The following ETV6 variants were observed in gnomAD, a reference collection of about 807,000 sequenced individuals.
ETV6 encodes the protein ETS variant transcription factor 6.
ETV6 carries 16 observed loss-of-function variants against 51.1 expected under a neutral mutation model. That is an observed-to-expected ratio of 0.31 (90% CI 0.21 to 0.48). The LOEUF (loss-of-function observed/expected upper bound fraction) is 0.48, where lower values mean the gene tolerates loss of function less well. Among genes scored for constraint, ETV6 ranks in the 20% least tolerant of loss-of-function variants. The pLI, the probability that ETV6 is intolerant of heterozygous loss-of-function variation, is 0.99. For missense variants in ETV6, 458 were observed against 594.8 expected, an observed-to-expected ratio of 0.77 and a Z score of 2.39; for synonymous variants, 240 against 224.1, an observed-to-expected ratio of 1.07 and a Z score of -0.64.
chr12:11,738,848 A>G (rs1292974387), intron 1 of ETV6, among the ~76,000 whole-genome samples: 1 of 152,220 alleles, frequency 6.6e-6, no homozygotes, highest in Non-Finnish European at 1.5e-5. Context: ...TGGTAGAAAC[A>G]AGTCATATCC....
At chr12:11,863,837 A>G (rs1300598518) in intron 4 of ETV6, among the ~76,000 whole-genome samples, 1 of 152,154 alleles carries the variant, frequency 6.6e-6, no homozygotes, top group Non-Finnish European at 1.5e-5. Context: ...TACTCCATAC[A>G]TGGGCACTGC....
chr12:11,834,861 A>G (rs1432411445), intron 2 of ETV6, among the ~76,000 whole-genome samples: 2 of 152,214 alleles, frequency 1.3e-5, no homozygotes, highest in Non-Finnish European at 2.9e-5. Flanking sequence ...TAGAGATCAC[A>G]TACTCTAAGC....
chr12:11,757,755 CA>C (rs1201511155), intron 2 of ETV6, among the ~76,000 whole-genome samples: 24 of 152,202 alleles, frequency 1.6e-4, no homozygotes, highest in Admixed American at 1.4e-3. Flanking sequence ...TGGGCAGCCA[CA>C]GGTGCAGGGA....
intron 2 of ETV6, among the ~76,000 whole-genome samples, chr12:11,812,556 T>C (rs779126553): frequency 1.3e-5 from 2 of 152,110 alleles, no homozygotes; most frequent in Non-Finnish European, 2.9e-5. Context: ...ACCTTGTCCT[T>C]GGGTGGATTT....
intron 1 of ETV6, among the ~76,000 whole-genome samples, chr12:11,709,857 C>T (rs1035773360): frequency 6.6e-6 from 1 of 152,194 alleles, no homozygotes; most frequent in Non-Finnish European, 1.5e-5. Flanking sequence ...GCACATCTTG[C>T]AGATTTTGGG....
intron 1 of ETV6, among the ~76,000 whole-genome samples, chr12:11,651,847 A>C (rs553014134): frequency 6.6e-6 from 1 of 152,324 alleles, no homozygotes; most frequent in East Asian, 1.9e-4. Context: ...AAAAACAACA[A>C]AAAACAATGC....
intron 1 of ETV6, among the ~76,000 whole-genome samples, chr12:11,742,863 G>A (rs192977518): frequency 7.0e-6 from 1 of 143,062 alleles, no homozygotes; most frequent in Non-Finnish European, 1.5e-5. Flanking sequence ...CTGGAGTGCA[G>A]TAGCACAATC....
chr12:11,764,718 T>C (rs12303587), intron 2 of ETV6, among the ~76,000 whole-genome samples: 3,524 of 152,292 alleles, frequency 0.023, 135 homozygotes, highest in African/African-American at 0.076. Context: ...CCTATGTGTG[T>C]GTGACAGGGA....
chr12:11,691,002 G>C (rs946082023), intron 1 of ETV6, among the ~76,000 whole-genome samples: 1 of 152,114 alleles, frequency 6.6e-6, no homozygotes, highest in Non-Finnish European at 1.5e-5. Flanking sequence ...ATAAACAACA[G>C]AATTTGATTC....
chr12:11,862,225 C>A (rs1025865698), intron 4 of ETV6, among the ~76,000 whole-genome samples: 2 of 152,146 alleles, frequency 1.3e-5, no homozygotes, highest in Non-Finnish European at 2.9e-5. Flanking sequence ...GTGAATCATC[C>A]ACTCCAAACT....
intron 2 of ETV6, among the ~76,000 whole-genome samples, chr12:11,810,342 A>T (rs1318053711): frequency 6.6e-6 from 1 of 152,212 alleles, no homozygotes; most frequent in Non-Finnish European, 1.5e-5. Flanking sequence ...ACCCGTGAAG[A>T]AAAGCACTTC....
At chr12:11,872,494 CTTTTTTTTTTTT>C (rs10528272) in intron 5 of ETV6, among the ~76,000 whole-genome samples, 1 of 142,736 alleles carries the variant, frequency 7.0e-6, no homozygotes, top group African/African-American at 2.6e-5. Context: ...AATTATATTA[CTTTTTTTTTTTT>C]TTTTTTTTTG....
intron 1 of ETV6, among the ~76,000 whole-genome samples, chr12:11,695,893 A>T (rs1423920772): frequency 6.6e-6 from 1 of 152,192 alleles, no homozygotes; most frequent in East Asian, 1.9e-4. Context: ...CACCAGTGAC[A>T]TCTTTCTTCT....
chr12:11,676,973 G>T (rs1441647856), intron 1 of ETV6, among the ~76,000 whole-genome samples: 1 of 152,224 alleles, frequency 6.6e-6, no homozygotes, highest in Non-Finnish European at 1.5e-5. Flanking sequence ...ATCGCCTGTT[G>T]TTAGACGTTT....
chr12:11,798,816 C>G (rs1337728838), intron 2 of ETV6, among the ~76,000 whole-genome samples: 1 of 152,152 alleles, frequency 6.6e-6, no homozygotes, highest in African/African-American at 2.4e-5. Context: ...CATTTCAGAT[C>G]TCTTGAGTCC....
chr12:11,717,859 C>A (rs937400531), intron 1 of ETV6, among the ~76,000 whole-genome samples: 17 of 152,304 alleles, frequency 1.1e-4, no homozygotes, highest in African/African-American at 4.1e-4. Context: ...ATCTGACCTC[C>A]AACTACTCGC....
chr12:11,844,133 G>A (rs1167373463), intron 3 of ETV6, among the ~76,000 whole-genome samples: 1 of 151,984 alleles, frequency 6.6e-6, no homozygotes, highest in African/African-American at 2.4e-5. Context: ...CAGACAGGTT[G>A]GCATTTATAT....
chr12:11,840,466 G>A (rs1054042486), intron 3 of ETV6: 1 of 456,052 alleles, frequency 2.2e-6, no homozygotes, highest in East Asian at 7.0e-5. Flanking sequence ...TGCAGACCTC[G>A]ACTCTGATGT....
chr12:11,714,121 C>T (rs1865226176), intron 1 of ETV6, among the ~76,000 whole-genome samples: 1 of 152,116 alleles, frequency 6.6e-6, no homozygotes, highest in African/African-American at 2.4e-5. Flanking sequence ...TCCTTAGTGT[C>T]AGAACAGTAC....
Sources: gnomAD v4.1 joint callset for allele counts (sites outside exome capture counted in the v4.1 genomes callset) on GRCh38, gnomAD v4.1.1 for gene constraint, MANE v1.5 for transcripts, NCBI Gene and HGNC (gene_info 2026-07-23, HGNC 2026-07-21) for gene names.